NCAPG: variants seen among roughly 807,000 people sequenced by gnomAD.
NCAPG encodes the protein non-SMC condensin I complex subunit G, also known as condensin complex subunit 3.
NCAPG carries 69 observed loss-of-function variants against 113.1 expected under a neutral mutation model. The ratio of observed to expected loss-of-function variants is 0.61; its 90% CI spans 0.50 to 0.75. The LOEUF is 0.75. Ranked by LOEUF, NCAPG falls within the 30% of genes least tolerant of loss-of-function variation. NCAPG has a pLI of 0.00. For missense variants in NCAPG, 1,058 were observed against 1,177.0 expected, an observed-to-expected ratio of 0.90 and a Z score of 1.48; for synonymous variants, 370 against 415.8, an observed-to-expected ratio of 0.89 and a Z score of 1.34.
intron 12 of NCAPG, among the ~76,000 whole-genome samples, chr4:17,830,118 G>A (rs1485081998): frequency 6.6e-6 from 1 of 152,142 alleles, no homozygotes; most frequent in East Asian, 1.9e-4. Context: ...TTGGGGGTTG[G>A]GCGTGGTGGC....
At chr4:17,817,782 T>G (rs1721274562) in intron 6 of NCAPG, among the ~76,000 whole-genome samples, 157 bp from the exon 7 acceptor site, 1 of 152,226 alleles carries the variant, frequency 6.6e-6, no homozygotes, top group Non-Finnish European at 1.5e-5. Flanking sequence ...TTGTTCTAAG[T>G]TTCTTCATTC....
chr4:17,843,410 T>A lies in NCAPG; in HGVS notation c.3033T>A (p.Asn1011Lys). 3.1e-6 allele frequency: 5 copies of A among 1,611,310 alleles called. No individual in the cohort carries two copies. The highest frequency in any genetic ancestry group is 4.2e-6 in the Non-Finnish European group (5 of 1,177,816). The stretch of plus-strand genomic sequence containing the variant: ...AACTTAACCTTGCCCAATTTCTCAA[T>A]GAAGATCTAAGTTAGGAAAGACGAT... ...KSKLNLAQFL[N>K]EDLS is the part of the protein sequence containing the mutation. The change falls in exon 21 of 21, where the codon AAT becomes AAA. Residue 1011 changes from asparagine (N) to lysine (K), a missense_variant. Asn to Lys is a moderately conservative substitution (Grantham distance 94). Transcript: ENST00000251496.
intron 20 of NCAPG, chr4:17,843,082 G>A (rs920411143): frequency 7.6e-6 from 3 of 396,742 alleles, no homozygotes; most frequent in African/African-American, 4.1e-5. Flanking sequence ...TTCTGTTATA[G>A]TATATAAAAT....
chr4:17,827,142 A>C (rs1374247344), intron 11 of NCAPG, among the ~76,000 whole-genome samples: 1 of 152,252 alleles, frequency 6.6e-6, no homozygotes, highest in Non-Finnish European at 1.5e-5. Flanking sequence ...CAGAAGTTAA[A>C]GAATGCCTAT....
At chr4:17,831,213 G>A in intron 13 of NCAPG, 97 bp downstream of exon 13, 3 of 1,263,204 alleles carry the variant, frequency 2.4e-6, no homozygotes, top group Non-Finnish European at 3.2e-6. Context: ...GATTCTTATT[G>A]ATGATGATTA....
At chr4:17,834,643 G>A (rs1722016051) in intron 14 of NCAPG, 120 bp downstream of exon 14, 1 of 644,908 alleles carries the variant, frequency 1.6e-6, no homozygotes, top group South Asian at 3.3e-5. Context: ...AGAACATACA[G>A]GTTTGTTACA....
At chr4:17,834,716 C>T (rs1293160018) in intron 14 of NCAPG, among the ~76,000 whole-genome samples, 193 bp downstream of exon 14, 1 of 152,136 alleles carries the variant, frequency 6.6e-6, no homozygotes, top group East Asian at 1.9e-4. Context: ...AGGTATTTCT[C>T]CTAACGCTAT....
rs35722563 is a variant in NCAPG at position 17,812,299 on chromosome 4, G to C, written c.190G>C (p.Ala64Pro). ...TATGGTGGTCTATAAACGTGAACCAGCTGTGGAGAGGGTAATAGAATTTGC... is the reference window on the plus strand; with the variant it reads ...TATGGTGGTCTATAAACGTGAACCACCTGTGGAGAGGGTAATAGAATTTGC... ...YVMVVYKREP[A>P]VERVIEFAAK... Residue 64 changes from alanine to proline, a missense_variant, in exon 2 of 21, where the codon GCT becomes CCT. Physicochemically the swap from Ala to Pro is conservative, Grantham distance 27 (BLOSUM62 -1). Transcript: ENST00000251496. The C allele has an allele frequency of 2.5e-6, 4 of 1,613,678 alleles. No individual in the cohort carries two copies. The African/African-American group carries it at 5.3e-5, about 22-fold the overall frequency.
In NCAPG at chr4:17,839,972, T is replaced by A. The variant is rs925004244; in HGVS notation, c.2629-99T>A. The A allele has an allele frequency of 1.6e-5, 24 of 1,459,292 alleles. No individual in the cohort carries two copies. The African/African-American group carries it at 3.3e-4, about 20-fold the overall frequency. 90.4% of individuals were successfully genotyped at this position (1,459,292 alleles called of 1,614,324 possible). A position where few individuals can be genotyped will look rare whatever the true frequency, so the allele number is the denominator to read the frequency against. On this transcript the variant is annotated intron_variant, in intron 17 of 20. Coordinates refer to ENST00000251496, the MANE Select transcript of NCAPG (RefSeq NM_022346.5). ...AAGTATTTTCTTCATAAATTTCATATAATTTAGTGTTTTTAAACAACTTGA... is the reference window on the plus strand; with the variant it reads ...AAGTATTTTCTTCATAAATTTCATAAAATTTAGTGTTTTTAAACAACTTGA...
Position 17,811,369 on chromosome 4 carries a change from A to G in NCAPG, c.111+181A>G, listed in dbSNP as rs368780997. On this transcript the variant is annotated intron_variant, in intron 1 of 20. Coordinates refer to ENST00000251496, the MANE Select transcript of NCAPG (RefSeq NM_022346.5). This position sits in a 1 kb window ranked among gnomAD's most constrained non-coding sequence, Gnocchi z 5.3. ...GACTTACCCGAGGTCGCCTGGGCCCAGGCCAGAAAGCCTCCGAAGCCTGGG... is the reference window on the plus strand; with the variant it reads ...GACTTACCCGAGGTCGCCTGGGCCCGGGCCAGAAAGCCTCCGAAGCCTGGG... 9.2e-5 allele frequency among the ~76,000 whole-genome samples: 14 copies of G among 152,230 alleles called. No individual in the cohort carries two copies. In the East Asian group the frequency reaches 2.1e-3, roughly 23 times the overall value.
chr4:17,830,624 G>T (rs1217620910), intron 12 of NCAPG, among the ~76,000 whole-genome samples: 1 of 145,402 alleles, frequency 6.9e-6, no homozygotes, highest in Non-Finnish European at 1.5e-5. Context: ...GTACCCATTT[G>T]TGACTTCTAT....
At position 17,839,679 on chromosome 4, in the gene NCAPG, T is replaced by G; in HGVS notation, c.2470T>G (p.Leu824Val). The change falls in exon 17 of 21, where the codon TTA becomes GTA. Residue 824 changes from leucine to valine, a missense_variant. By Grantham distance (32) the Leu-to-Val change is conservative. Transcript: ENST00000251496. The stretch of plus-strand genomic sequence containing the variant: ...GAATTTTCTCTTAATTTTTTAGGCC[T>G]TAACAGTACATGACAATTTGGCTAT... The part of the protein sequence containing the change: ...QAKTSQDYQA[L>V]TVHDNLAMKI... The G allele has an allele frequency of 6.6e-7, 1 of 1,524,208 alleles. No individual in the cohort carries two copies. The highest frequency in any genetic ancestry group is 8.7e-7 in the Non-Finnish European group (1 of 1,144,238). The allele number at this position is 1,524,208 out of a possible 1,614,324, so 94.4% of individuals were successfully genotyped here.
At chr4:17,812,768 A>G in intron 2 of NCAPG, 149 bp from the exon 3 acceptor site, 1 of 665,338 alleles carries the variant, frequency 1.5e-6, no homozygotes, top group East Asian at 2.7e-5. Flanking sequence ...TTTGCTATAC[A>G]TATGGACCAA....
intron 7 of NCAPG, among the ~76,000 whole-genome samples, chr4:17,822,243 G>A (rs1489051258): frequency 7.2e-6 from 1 of 139,194 alleles, no homozygotes; most frequent in Non-Finnish European, 1.5e-5. Context: ...ACCCAGGCTA[G>A]AGTGCAGTGG....
At chr4:17,820,414 A>G (rs1005584745) in intron 7 of NCAPG, among the ~76,000 whole-genome samples, 16 of 152,088 alleles carry the variant, frequency 1.1e-4, no homozygotes, top group Admixed American at 1.0e-3. Flanking sequence ...ATCCTAGCCA[A>G]CATAGTGAAA....
chr4:17,814,558 C>A (rs558503819), intron 3 of NCAPG, among the ~76,000 whole-genome samples: 1 of 152,318 alleles, frequency 6.6e-6, no homozygotes, highest in East Asian at 1.9e-4. Flanking sequence ...ATCCTTCCAC[C>A]TCAGCCTCCT....
chr4:17,836,742 A>G (rs1428202448), intron 14 of NCAPG, among the ~76,000 whole-genome samples: 2 of 152,240 alleles, frequency 1.3e-5, no homozygotes, highest in African/African-American at 2.4e-5. Context: ...CATTCTATCC[A>G]TTATTCAGAC....
chr4:17,815,228 T>C, intron 4 of NCAPG, 46 bp from the exon 5 acceptor site: 1 of 1,489,234 alleles, frequency 6.7e-7, no homozygotes, highest in East Asian at 2.3e-5. Context: ...ATGAAATCTA[T>C]AAATTGTGTT....
Position 17,837,644 on chromosome 4 carries a change from T to C in NCAPG, c.2309T>C (p.Phe770Ser), listed in dbSNP as rs772914156. ...CTCAATAGGACTAATCAGGAATGCTTTGAAGAAGCTTTTCTTCCAACCCTG... is the reference window on the plus strand; with the variant it reads ...CTCAATAGGACTAATCAGGAATGCTCTGAAGAAGCTTTTCTTCCAACCCTG... ...AYASRTNQEC[F>S]EEAFLPTLQT... Residue 770 changes from phenylalanine to serine, a missense_variant, in exon 16 of 21, where the codon TTT (phenylalanine) becomes TCT (serine). Physicochemically the swap from Phe to Ser is radical, Grantham distance 155 (BLOSUM62 -2). Coordinates refer to ENST00000251496, the MANE Select transcript of NCAPG (RefSeq NM_022346.5). 2.5e-6 allele frequency: 4 copies of C among 1,613,586 alleles called. No individual in the cohort carries two copies. The highest frequency in any genetic ancestry group is 2.2e-5 in the East Asian group (1 of 44,880).
Sources: allele counts gnomAD v4.1 joint callset (sites outside exome capture counted in the v4.1 genomes callset), GRCh38; gene constraint gnomAD v4.1.1; non-coding constraint Gnocchi (gnomAD v3.1); transcripts MANE v1.5; gene names NCBI Gene and HGNC (gene_info 2026-07-23, HGNC 2026-07-21).